The following POLR1C variants were observed in gnomAD, a reference collection of about 807,000 sequenced individuals.
The protein encoded by POLR1C is DNA-directed RNA polymerases I and III subunit RPAC1.
Under a neutral mutation model 38.3 loss-of-function variants are expected in POLR1C, and 42 were observed. The ratio of observed to expected loss-of-function variants is 1.10; its 90% CI spans 0.86 to 1.42. POLR1C has a LOEUF of 1.42. POLR1C is among the 40% of genes most tolerant of loss of function. The probability of loss-of-function intolerance (pLI) is 0.00; values close to 1 mark genes in which losing one functional copy is unlikely to be tolerated. For missense variants in POLR1C, 507 were observed against 450.5 expected, an observed-to-expected ratio of 1.13 and a Z score of -1.14; for synonymous variants, 163 against 163.9, an observed-to-expected ratio of 0.99 and a Z score of 0.04.
At chr6:43,542,455 G>C (rs936584908) in intron 9 of POLR1C, among the ~76,000 whole-genome samples, 5 of 151,948 alleles carry the variant, frequency 3.3e-5, no homozygotes, top group African/African-American at 1.2e-4. Context: ...TGTTGCCCAG[G>C]CTGGAGTACG....
chr6:43,524,771 C>G, downstream of POLR1C: 1 of 1,604,624 alleles, frequency 6.2e-7, no homozygotes. Context: ...GCCCAAGAGA[C>G]TAGGAGCAGA....
intron 2 of POLR1C, 90 bp from the exon 3 acceptor site, chr6:43,519,243 A>G: frequency 2.5e-6 from 2 of 801,246 alleles, no homozygotes; most frequent in East Asian, 2.6e-5. Flanking sequence ...ATGAGAGGAT[A>G]ATACTTGAGG....
downstream of POLR1C, chr6:43,523,656 T>C (rs768829566): frequency 1.2e-6 from 1 of 832,658 alleles, no homozygotes; most frequent in Non-Finnish European, 2.1e-6. Flanking sequence ...CTAGACAGAA[T>C]AGTTTAAGCC....
At chr6:43,540,244 C>G (rs1794618782) in intron 9 of POLR1C, among the ~76,000 whole-genome samples, 1 of 152,100 alleles carries the variant, frequency 6.6e-6, no homozygotes, top group South Asian at 2.1e-4. Flanking sequence ...ACAAAATTAG[C>G]CAGGCCGGGC....
rs201473380 is a variant in POLR1C, at chr6:43,558,515, T to C, written c.*49-2885T>C. ...ACATCACTTACAGTTGAAGAAAGCA[T>C]TGAAGTCCTCATCGCTATCAAAATC... On this transcript the variant is annotated intron_variant, in intron 10 of 10. Coordinates refer to the POLR1C transcript ENST00000607635. 251 of 1,601,960 alleles carry C rather than the reference T, an allele frequency of 1.6e-4. No individual in the cohort carries two copies. The highest frequency in any genetic ancestry group is 1.9e-4 in the Non-Finnish European group (226 of 1,174,656).
downstream of POLR1C, chr6:43,522,841 C>T (rs1793281732): frequency 6.8e-6 from 2 of 296,284 alleles, no homozygotes; most frequent in Non-Finnish European, 1.6e-5. Flanking sequence ...GTATCCATGT[C>T]CTCTCTTTAC....
chr6:43,530,701 G>A, downstream of POLR1C: 2 of 1,613,986 alleles, frequency 1.2e-6, no homozygotes, highest in Non-Finnish European at 1.7e-6. Flanking sequence ...GCATGGGTCT[G>A]AGTCGGTAGT....
At chr6:43,518,658 A>C (rs1340302214) in intron 2 of POLR1C, among the ~76,000 whole-genome samples, 2 of 152,148 alleles carry the variant, frequency 1.3e-5, no homozygotes, top group Non-Finnish European at 2.9e-5. Flanking sequence ...AGAGCTCAGA[A>C]ACCAGGGGAA....
chr6:43,560,170 T>C (rs1762343962), intron 10 of POLR1C: 1 of 1,612,028 alleles, frequency 6.2e-7, no homozygotes, highest in South Asian at 1.1e-5. Flanking sequence ...TAGATTCCCA[T>C]TATATACCTT....
At chr6:43,533,645 T>A, downstream of POLR1C, 1 of 265,176 alleles carries the variant, frequency 3.8e-6, no homozygotes, top group Non-Finnish European at 7.6e-6. Flanking sequence ...AAGACCAGCC[T>A]GGGCAACATA....
rs773388338 is a variant in POLR1C, at chr6:43,520,185, G to A, written c.502G>A (p.Val168Met). 2 of 1,614,096 alleles carry A rather than the reference G, an allele frequency of 1.2e-6. No individual in the cohort carries two copies. Among genetic ancestry groups the A allele is most frequent in the East Asian group, 2.2e-5 (1 of 44,896 alleles). The change falls in exon 5 of 9, where the codon GTG becomes ATG. Residue 168 changes from valine (V) to methionine (M), a missense_variant and splice_region_variant. Coordinates refer to ENST00000642195, the MANE Select transcript of POLR1C (RefSeq NM_203290.4). ...DPNELYVNHKVYTRHMTWIPL... is the reference protein window; with the variant it reads ...DPNELYVNHKMYTRHMTWIPL... ...CAACGAACTGTACGTGAACCACAAA[G>A]GTGAGTAGTGGTAGGGTGAGGAAGA...
At chr6:43,523,483 G>C (rs890002111), downstream of POLR1C, 3 of 371,530 alleles carry the variant, frequency 8.1e-6, no homozygotes, top group Admixed American at 7.5e-5. Flanking sequence ...CTCTTGCTGC[G>C]AGCCTTGCTA....
chr6:43,519,344 G>T lies in POLR1C; in HGVS notation c.153G>T (p.Val51=), dbSNP rs771013069. The T allele has an allele frequency of 6.2e-7, 1 of 1,607,852 alleles. No individual in the cohort carries two copies. The highest frequency in any genetic ancestry group is 1.1e-5 in the South Asian group (1 of 90,946). The change falls in exon 3 of 9, where the codon GTG becomes GTT. Residue 51 remains valine, a synonymous_variant. Coordinates refer to ENST00000642195, the MANE Select transcript of POLR1C (RefSeq NM_203290.4). ...DQDRFEKNFR[V]DVVHMDENSL... Reference sequence around the variant, plus strand: ...TCCTGTCCCTCTAGAATTTCCGTGTGGATGTAGTACACATGGATGAAAACT... The same window carrying T: ...TCCTGTCCCTCTAGAATTTCCGTGTTGATGTAGTACACATGGATGAAAACT...
chr6:43,528,840 G>A (rs1479829807), intron 8 of POLR1C: 1 of 1,613,794 alleles, frequency 6.2e-7, no homozygotes, highest in Admixed American at 1.7e-5. Context: ...TATGGAGGTA[G>A]GTGAAAAGAG....
At chr6:43,549,875 TTTAA>T in intron 9 of POLR1C, 1 of 1,603,678 alleles carries the variant, frequency 6.2e-7, no homozygotes, top group Non-Finnish European at 8.5e-7. Context: ...AATCTATTGG[TTTAA>T]TTAATGGTCT....
chr6:43,526,841 A>C (rs1793625398), intron 8 of POLR1C: 5 of 1,316,944 alleles, frequency 3.8e-6, no homozygotes, highest in Non-Finnish European at 5.4e-6. Context: ...GTCTCTGGCC[A>C]GGTGAGGAAG....
chr6:43,525,277 T>C, downstream of POLR1C: 7 of 1,469,762 alleles, frequency 4.8e-6, no homozygotes, highest in Non-Finnish European at 4.6e-6. Context: ...TGATGATTAT[T>C]ACACATCAGG....
At chr6:43,534,785 G>A (rs1298845590) in intron 9 of POLR1C, among the ~76,000 whole-genome samples, 1 of 152,092 alleles carries the variant, frequency 6.6e-6, no homozygotes, top group Non-Finnish European at 1.5e-5. Context: ...ATTACCTGAG[G>A]TCAGGAGTTC....
chr6:43,551,466 C>A (rs1561877410), intron 10 of POLR1C: 5 of 1,607,980 alleles, frequency 3.1e-6, no homozygotes, highest in Admixed American at 1.7e-5. Flanking sequence ...GTAACAAAGA[C>A]ATAAAACAGG....
Sources: allele counts gnomAD v4.1 joint callset (sites outside exome capture counted in the v4.1 genomes callset), GRCh38; gene constraint gnomAD v4.1.1; transcripts MANE v1.5; gene names NCBI Gene and HGNC (gene_info 2026-07-23, HGNC 2026-07-21).